Variants in ATP2B2 observed in about 807,000 individuals in gnomAD.
ATP2B2 encodes the protein plasma membrane calcium-transporting ATPase 2.
ATP2B2 carries 15 observed loss-of-function variants against 120.0 expected under a neutral mutation model. The observed-to-expected ratio is 0.12, with a 90% CI of 0.08 to 0.19. The LOEUF is 0.19. Ranked by LOEUF, ATP2B2 falls within the 10% of genes least tolerant of loss-of-function variation. ATP2B2 has a pLI of 1.00. For missense variants in ATP2B2, 1,045 were observed against 1,719.8 expected (o/e 0.61, Z 6.94); for synonymous variants, 694 against 700.3 (o/e 0.99, Z 0.14).
chr3:10,575,121 C>CG (rs1559466276), intron 2 of ATP2B2, among the ~76,000 whole-genome samples: 1 of 152,114 alleles, frequency 6.6e-6, no homozygotes, highest in Admixed American at 6.6e-5. Context: ...CCTTTCCGCC[C>CG]GGGGGAGAAA....
intron 1 of ATP2B2, among the ~76,000 whole-genome samples, chr3:10,699,984 C>T (rs1293816230): frequency 1.3e-5 from 2 of 152,090 alleles, no homozygotes; most frequent in Non-Finnish European, 2.9e-5. Flanking sequence ...TGGTCTCTTA[C>T]AATAGCACAA....
intron 2 of ATP2B2, among the ~76,000 whole-genome samples, chr3:10,548,528 G>C (rs1345072817): frequency 6.6e-6 from 1 of 152,202 alleles, no homozygotes; most frequent in Admixed American, 6.5e-5. Flanking sequence ...GGCAGTTGGT[G>C]TATAGATAGT....
chr3:10,522,421 G>A (rs772702805), intron 3 of ATP2B2, among the ~76,000 whole-genome samples: 1 of 152,104 alleles, frequency 6.6e-6, no homozygotes, highest in Non-Finnish European at 1.5e-5. Flanking sequence ...GACCTTCCCT[G>A]GGATCCTCTC....
intron 1 of ATP2B2, among the ~76,000 whole-genome samples, chr3:10,660,439 A>T (rs1367234776): frequency 6.6e-6 from 1 of 152,244 alleles, no homozygotes; most frequent in Non-Finnish European, 1.5e-5. Flanking sequence ...CCACAGAAAT[A>T]CAAAATACCA....
intron 1 of ATP2B2, among the ~76,000 whole-genome samples, chr3:10,457,605 C>T (rs370193119): frequency 7.9e-5 from 12 of 151,984 alleles, no homozygotes; most frequent in African/African-American, 2.9e-4. Context: ...ATATCTGTGC[C>T]ACACCTGTCT....
At chr3:10,336,256 C>A (rs980714319) in intron 22 of ATP2B2, 3 of 1,550,588 alleles carry the variant, frequency 1.9e-6, no homozygotes, top group East Asian at 2.4e-5. Context: ...TCCGCAGGGC[C>A]CCCTGAAAGG....
At chr3:10,586,561 T>A (rs1262941247) in intron 2 of ATP2B2, among the ~76,000 whole-genome samples, 2 of 152,164 alleles carry the variant, frequency 1.3e-5, no homozygotes, top group Non-Finnish European at 2.9e-5. Context: ...TTGGCACTAG[T>A]CTGTCTCCCC....
At chr3:10,644,363 A>G (rs2070256987) in intron 1 of ATP2B2, among the ~76,000 whole-genome samples, 1 of 152,234 alleles carries the variant, frequency 6.6e-6, no homozygotes, top group South Asian at 2.1e-4. Flanking sequence ...GTTCCTTAAA[A>G]AGTTAAACAT....
chr3:10,496,417 C>T (rs569629996), intron 1 of ATP2B2, among the ~76,000 whole-genome samples: 3 of 152,310 alleles, frequency 2.0e-5, no homozygotes, highest in East Asian at 1.9e-4. Context: ...AGAAGGCAGC[C>T]GTGGCCAATA....
At chr3:10,608,867 C>A (rs2069152552) in intron 2 of ATP2B2, among the ~76,000 whole-genome samples, 1 of 152,144 alleles carries the variant, frequency 6.6e-6, no homozygotes, top group East Asian at 1.9e-4. Context: ...CTACTAAATC[C>A]CCTGGTGCCT....
intron 2 of ATP2B2, among the ~76,000 whole-genome samples, chr3:10,613,187 G>T (rs965302462): frequency 6.6e-6 from 1 of 152,218 alleles, no homozygotes; most frequent in Non-Finnish European, 1.5e-5. Flanking sequence ...CCTGGGAGGT[G>T]ATGTGCCTTG....
At chr3:10,703,292 G>A (rs1286430907) in intron 1 of ATP2B2, among the ~76,000 whole-genome samples, 2 of 152,166 alleles carry the variant, frequency 1.3e-5, no homozygotes, top group Non-Finnish European at 2.9e-5. Flanking sequence ...CGCGCAGAAA[G>A]CTTGTCCTGG....
At chr3:10,521,997 G>C (rs2066993463) in intron 3 of ATP2B2, among the ~76,000 whole-genome samples, 1 of 152,188 alleles carries the variant, frequency 6.6e-6, no homozygotes, top group South Asian at 2.1e-4. Context: ...CGTTTGTCAG[G>C]TAACAGTCTG....
rs570601663 is a variant in ATP2B2 at position 10,553,871 on chromosome 3, T to C, written c.-414-19738A>G. ...GCCCTATGACCTCATGAGGGGGCCATTGTTTAGCACTCAATAGGCATCCTT... is the reference window on the plus strand; with the variant it reads ...GCCCTATGACCTCATGAGGGGGCCACTGTTTAGCACTCAATAGGCATCCTT... On this transcript the variant is annotated intron_variant, in intron 2 of 21. Coordinates refer to the ATP2B2 transcript ENST00000646379. Among the ~76,000 whole-genome samples, 7 of 152,136 alleles carry C rather than the reference T, an allele frequency of 4.6e-5. No individual in the cohort carries two copies. In the South Asian group the frequency reaches 6.2e-4, roughly 14 times the overall value.
intron 1 of ATP2B2, among the ~76,000 whole-genome samples, chr3:10,644,693 T>C (rs2070274565): frequency 6.6e-6 from 1 of 152,180 alleles, no homozygotes; most frequent in South Asian, 2.1e-4. Context: ...CTAGAATCAA[T>C]AAGTCCGCAG....
At chr3:10,499,191 C>A (rs976810135) in intron 1 of ATP2B2, among the ~76,000 whole-genome samples, 1 of 152,364 alleles carries the variant, frequency 6.6e-6, no homozygotes, top group South Asian at 2.1e-4. Flanking sequence ...TGCATTACTT[C>A]ACCAAATCCT....
At chr3:10,526,133 G>A (rs1409449571) in intron 3 of ATP2B2, among the ~76,000 whole-genome samples, 1 of 152,204 alleles carries the variant, frequency 6.6e-6, no homozygotes, top group African/African-American at 2.4e-5. Context: ...ATTAAAACAG[G>A]TGTGTGAGCC....
upstream of ATP2B2, among the ~76,000 whole-genome samples, chr3:10,508,448 C>T (rs139705874): frequency 2.2e-4 from 34 of 152,362 alleles, no homozygotes; most frequent in East Asian, 5.8e-3. Context: ...ATGTCTCCAG[C>T]ATTCCAGGTC....
chr3:10,652,116 T>G (rs995482921), intron 1 of ATP2B2, among the ~76,000 whole-genome samples: 2 of 152,166 alleles, frequency 1.3e-5, no homozygotes, highest in Non-Finnish European at 2.9e-5. Context: ...GGCTATTTTT[T>G]GTGGCAAACA....
Sources: gnomAD v4.1 joint callset for allele counts (sites outside exome capture counted in the v4.1 genomes callset) on GRCh38, gnomAD v4.1.1 for gene constraint, MANE v1.5 for transcripts, NCBI Gene and HGNC (gene_info 2026-07-23, HGNC 2026-07-21) for gene names.